Variants in ACER3 observed in about 807,000 individuals in gnomAD.
ACER3 encodes the protein alkaline ceramidase 3, also known as alkCDase 3.
In ACER3, 16 loss-of-function variants were observed where a neutral mutation model predicts 48.9. The ratio of observed to expected loss-of-function variants is 0.33; its 90% confidence interval spans 0.22 to 0.50. ACER3 has a LOEUF of 0.50. Among genes scored for constraint, ACER3 ranks in the 20% least tolerant of loss-of-function variants. The pLI is 0.98. For missense variants in ACER3, 227 were observed against 326.0 expected (o/e 0.70, Z 2.34); for synonymous variants, 109 against 107.8 (o/e 1.01, Z -0.07).
intron 1 of ACER3, among the ~76,000 whole-genome samples, chr11:76,916,499 A>G (rs1453185750): frequency 6.7e-6 from 1 of 149,496 alleles, no homozygotes; most frequent in East Asian, 2.0e-4. Context: ...ATGCAAGGCA[A>G]TCTATGCTAA....
intron 1 of ACER3, among the ~76,000 whole-genome samples, chr11:76,919,213 T>G (rs1946620195): frequency 6.6e-6 from 1 of 152,226 alleles, no homozygotes; most frequent in African/African-American, 2.4e-5. Flanking sequence ...TCCAGTCACC[T>G]CAGGGTTTTA....
In ACER3 at chr11:76,985,625, TTC is replaced by T. The variant is rs768711159; in HGVS notation, c.321-12_321-11del. On this transcript the variant is annotated splice_polypyrimidine_tract_variant and intron_variant, in intron 4 of 10. Coordinates refer to ENST00000532485, the MANE Select transcript of ACER3 (RefSeq NM_018367.7). ...CTTATATATTCTTTTAAAAGTTTCTTTCTCTCTTTTTTTCAAGGTTTGAATGT... is the reference window on the plus strand; with the variant it reads ...CTTATATATTCTTTTAAAAGTTTCTTTCTCTTTTTTTCAAGGTTTGAATGT... 1.2e-5 allele frequency: 18 copies of T among 1,506,830 alleles called. No homozygotes were observed. The highest frequency in any genetic ancestry group is 1.6e-5 in the Non-Finnish European group (18 of 1,116,378). 93.3% of individuals were successfully genotyped at this position (1,506,830 alleles called of 1,614,324 possible). A position where few individuals can be genotyped will look rare whatever the true frequency, so the allele number is the denominator to read the frequency against.
chr11:76,902,188 C>G (rs957670447), intron 1 of ACER3, among the ~76,000 whole-genome samples: 1 of 152,190 alleles, frequency 6.6e-6, no homozygotes, highest in Non-Finnish European at 1.5e-5. Flanking sequence ...CTCCTGCCAT[C>G]TTGACATTTT....
intron 6 of ACER3, among the ~76,000 whole-genome samples, chr11:76,998,342 G>C (rs1948958103): frequency 6.6e-6 from 1 of 152,220 alleles, no homozygotes; most frequent in South Asian, 2.1e-4. Context: ...TATAAATGCA[G>C]AGGCATTTAG....
intron 1 of ACER3, among the ~76,000 whole-genome samples, chr11:76,900,526 A>C (rs1297528036): frequency 6.6e-6 from 1 of 152,218 alleles, no homozygotes; most frequent in Non-Finnish European, 1.5e-5. Context: ...CTTGAATAAT[A>C]GGAACCCTTC....
chr11:77,015,787 A>C (rs1205990320), intron 8 of ACER3, among the ~76,000 whole-genome samples: 2 of 152,168 alleles, frequency 1.3e-5, no homozygotes, highest in African/African-American at 4.8e-5. Context: ...CTACAGAATG[A>C]ATGACCTGGT....
At chr11:76,978,923 T>C (rs3914687) in intron 4 of ACER3, among the ~76,000 whole-genome samples, 108,281 of 152,208 alleles carry the variant, frequency 0.71, 38,921 homozygotes, top group Non-Finnish European at 0.77. Flanking sequence ...TGGAGCTGCC[T>C]GCCCTGCTGC....
chr11:77,010,949 T>G (rs1289335029), intron 7 of ACER3, among the ~76,000 whole-genome samples: 1 of 152,204 alleles, frequency 6.6e-6, no homozygotes, highest in African/African-American at 2.4e-5. Context: ...TTACATCCCA[T>G]TAAATATTGC....
intron 2 of ACER3, among the ~76,000 whole-genome samples, chr11:76,933,126 C>T (rs890600389): frequency 6.7e-6 from 1 of 148,702 alleles, no homozygotes; most frequent in East Asian, 2.0e-4. Context: ...TTACAAAACA[C>T]ATCAACCTCT....
chr11:77,020,176 TATAGTC>T, intron 10 of ACER3, 92 bp from the exon 11 acceptor site: 1 of 1,281,956 alleles, frequency 7.8e-7, no homozygotes. Context: ...CAAACCTACG[TATAGTC>T]ATAGCCCCAT....
chr11:76,935,599 A>T (rs1947156741), intron 2 of ACER3, among the ~76,000 whole-genome samples: 1 of 152,228 alleles, frequency 6.6e-6, no homozygotes, highest in South Asian at 2.1e-4. Context: ...AAAAATGAAG[A>T]GGAAGTATAA....
At chr11:76,876,150 A>G (rs545605820) in intron 1 of ACER3, among the ~76,000 whole-genome samples, 55 of 152,236 alleles carry the variant, frequency 3.6e-4, no homozygotes, top group African/African-American at 1.3e-3. Flanking sequence ...GCATACACCT[A>G]TGTAACAACC....
intron 7 of ACER3, among the ~76,000 whole-genome samples, chr11:77,005,974 T>C (rs1375801282): frequency 3.1e-5 from 3 of 97,504 alleles, no homozygotes; most frequent in African/African-American, 8.9e-5. Flanking sequence ...TATATATACA[T>C]ATATATATAT....
chr11:77,015,860 C>A (rs1406468141), intron 8 of ACER3, among the ~76,000 whole-genome samples: 1 of 152,154 alleles, frequency 6.6e-6, no homozygotes, highest in Non-Finnish European at 1.5e-5. Flanking sequence ...GTAATCTTAG[C>A]ACTCTGGGAG....
At chr11:77,015,923 A>G (rs1239125191) in intron 8 of ACER3, among the ~76,000 whole-genome samples, 2 of 152,096 alleles carry the variant, frequency 1.3e-5, no homozygotes, top group South Asian at 2.1e-4. Flanking sequence ...CCAGGCCAAC[A>G]TGGTGAAACC....
chr11:76,987,251 A>G (rs1242694352), intron 5 of ACER3, among the ~76,000 whole-genome samples: 2 of 152,220 alleles, frequency 1.3e-5, no homozygotes, highest in Non-Finnish European at 2.9e-5. Flanking sequence ...TGAAAGTAAT[A>G]TAGCTGTGGG....
rs57093609 is a variant in ACER3 at position 76,924,973 on chromosome 11, C to CAAAAAAAAA, written c.104-1572_104-1564dup. Among the ~76,000 whole-genome samples, 98 of 78,482 alleles carry CAAAAAAAAA rather than the reference C, an allele frequency of 1.2e-3. 6 individuals carry two copies. In the East Asian group the frequency reaches 0.016, roughly 13 times the overall value. 51.5% of individuals were successfully genotyped at this position (78,482 alleles called of 152,430 possible). ...CCTGGGCAACAGAGGAAGACTCTGT[C>CAAAAAAAAA]AAAAAAAAAAAAAAAAAAAACACCA... On this transcript the variant is annotated intron_variant, in intron 1 of 10. Transcript: ENST00000532485.
chr11:76,903,980 A>G (rs1946149834), intron 1 of ACER3, among the ~76,000 whole-genome samples: 1 of 152,140 alleles, frequency 6.6e-6, no homozygotes, highest in South Asian at 2.1e-4. Flanking sequence ...TTGGCTTCCA[A>G]TACCCTTATT....
intron 3 of ACER3, among the ~76,000 whole-genome samples, chr11:76,975,163 T>G (rs1053333055): frequency 6.6e-6 from 1 of 152,214 alleles, no homozygotes; most frequent in African/African-American, 2.4e-5. Flanking sequence ...TTGTGTCTTT[T>G]GTTGGAGTCC....
Sources: allele counts gnomAD v4.1 joint callset (sites outside exome capture counted in the v4.1 genomes callset), GRCh38; gene constraint gnomAD v4.1.1; transcripts MANE v1.5; gene names NCBI Gene and HGNC (gene_info 2026-07-23, HGNC 2026-07-21).